The following CCSER1 variants were observed in gnomAD, a reference collection of about 807,000 sequenced individuals.
CCSER1 encodes the protein serine-rich coiled-coil domain-containing protein 1.
CCSER1 carries 41 observed loss-of-function variants against 82.0 expected under a neutral mutation model. The observed-to-expected ratio is 0.50, with a 90% CI of 0.39 to 0.65. The LOEUF (loss-of-function observed/expected upper bound fraction) is 0.65. Ranked by LOEUF, CCSER1 falls within the 30% of genes least tolerant of loss-of-function variation. The pLI, the probability that CCSER1 is intolerant of heterozygous loss-of-function variation, is 0.00. For missense variants in CCSER1, 1,119 were observed against 1,064.2 expected (o/e 1.05, Z -0.72); for synonymous variants, 414 against 383.9 (o/e 1.08, Z -0.92).
chr4:90,738,385 T>C (rs1381498804), intron 7 of CCSER1, among the ~76,000 whole-genome samples: 1 of 152,142 alleles, frequency 6.6e-6, no homozygotes. Flanking sequence ...GGTACTGCCT[T>C]GGTTCTTGGC....
chr4:90,539,575 G>C (rs754860629), intron 5 of CCSER1, among the ~76,000 whole-genome samples: 1 of 152,002 alleles, frequency 6.6e-6, no homozygotes, highest in Admixed American at 6.6e-5. Flanking sequence ...GACTCTAATT[G>C]GGTAGGGATC....
intron 10 of CCSER1, among the ~76,000 whole-genome samples, chr4:91,212,509 G>A (rs1736901812): frequency 6.6e-6 from 1 of 152,022 alleles, no homozygotes; most frequent in Non-Finnish European, 1.5e-5. Flanking sequence ...CAGCAGGAAT[G>A]CCACCTGTGT....
At chr4:90,141,088 A>G (rs1210613715) in intron 1 of CCSER1, among the ~76,000 whole-genome samples, 1 of 143,896 alleles carries the variant, frequency 6.9e-6, no homozygotes, top group East Asian at 2.1e-4. Context: ...TTGAAAGACT[A>G]ATTTTAAGTA....
intron 10 of CCSER1, among the ~76,000 whole-genome samples, chr4:91,204,434 T>A (rs938840358): frequency 6.6e-6 from 1 of 151,844 alleles, no homozygotes; most frequent in African/African-American, 2.4e-5. Context: ...GAGTTTCATT[T>A]TGATGTGCTA....
At chr4:90,482,424 T>A (rs1455448157) in intron 5 of CCSER1, among the ~76,000 whole-genome samples, 1 of 152,192 alleles carries the variant, frequency 6.6e-6, no homozygotes, top group Admixed American at 6.5e-5. Context: ...CTTTTGAATG[T>A]GTTTGCTCTT....
intron 10 of CCSER1, among the ~76,000 whole-genome samples, chr4:91,221,240 A>G (rs1012474031): frequency 1.3e-5 from 2 of 152,118 alleles, no homozygotes; most frequent in African/African-American, 4.8e-5. Context: ...TTCCTCTAAC[A>G]TCTCACTATC....
chr4:90,365,353 A>T (rs565226848), intron 3 of CCSER1, among the ~76,000 whole-genome samples: 1 of 151,982 alleles, frequency 6.6e-6, no homozygotes, highest in Admixed American at 6.5e-5. Flanking sequence ...TTACATATGT[A>T]TATAAATATA....
At chr4:91,097,353 AACTC>A (rs1311495223) in intron 10 of CCSER1, among the ~76,000 whole-genome samples, 1 of 152,200 alleles carries the variant, frequency 6.6e-6, no homozygotes, top group East Asian at 1.9e-4. Flanking sequence ...AAGTTACAGA[AACTC>A]AGGAACCATA....
At position 91,334,893 on chromosome 4, in the gene CCSER1, T is replaced by C. The variant is rs550531627; in HGVS notation, c.2217+248899T>C. Among the ~76,000 whole-genome samples, 10 of 151,860 alleles carry C rather than the reference T, an allele frequency of 6.6e-5. No homozygotes were observed. The South Asian group carries it at 2.1e-3, about 32-fold the overall frequency. On this transcript the variant is annotated intron_variant, in intron 10 of 10. Coordinates refer to ENST00000509176, the MANE Select transcript of CCSER1 (RefSeq NM_001145065.2). ...AGGAAGATACATTTATTCAGGTCAGTAAAAACTAACATGGGCTGGGATTTA... is the reference window on the plus strand; with the variant it reads ...AGGAAGATACATTTATTCAGGTCAGCAAAAACTAACATGGGCTGGGATTTA...
intron 10 of CCSER1, among the ~76,000 whole-genome samples, chr4:91,515,155 C>A (rs1760035659): frequency 6.6e-6 from 1 of 152,026 alleles, no homozygotes; most frequent in Non-Finnish European, 1.5e-5. Flanking sequence ...ATCTTTGAAT[C>A]TAAGGGGGAT....
intron 1 of CCSER1, among the ~76,000 whole-genome samples, chr4:90,249,726 T>G (rs1294715275): frequency 6.6e-6 from 1 of 152,190 alleles, no homozygotes; most frequent in Non-Finnish European, 1.5e-5. Context: ...CCACATGTAT[T>G]TTTTTATTGA....
At chr4:91,101,649 C>T (rs1462697741) in intron 10 of CCSER1, among the ~76,000 whole-genome samples, 1 of 148,762 alleles carries the variant, frequency 6.7e-6, no homozygotes, top group Non-Finnish European at 1.5e-5. Context: ...AAAAAAAGAC[C>T]AGGTTGGGGG....
At chr4:91,226,383 A>G (rs1249759067) in intron 10 of CCSER1, among the ~76,000 whole-genome samples, 1 of 151,936 alleles carries the variant, frequency 6.6e-6, no homozygotes, top group Non-Finnish European at 1.5e-5. Context: ...AAATCATTGG[A>G]ATTTGCAAGA....
chr4:91,194,973 G>A (rs1416241092), intron 10 of CCSER1, among the ~76,000 whole-genome samples: 1 of 152,132 alleles, frequency 6.6e-6, no homozygotes, highest in East Asian at 1.9e-4. Context: ...CAACACTTGA[G>A]TATCATTATA....
intron 10 of CCSER1, among the ~76,000 whole-genome samples, chr4:91,297,409 G>GTGTA (rs1553921610): frequency 1.3e-5 from 2 of 150,744 alleles, no homozygotes; most frequent in African/African-American, 4.9e-5. Flanking sequence ...GTGTGTGTGT[G>GTGTA]TGTGTGTGTG....
chr4:90,366,024 AC>A lies in CCSER1; in HGVS notation c.1510-34011del, dbSNP rs569304144. Among the ~76,000 whole-genome samples the A allele has an allele frequency of 1.2e-3, 186 of 151,990 alleles. 1 individual carries two copies. The highest frequency in any genetic ancestry group is 3.7e-3 in the African/African-American group (152 of 41,552). On this transcript the variant is annotated intron_variant, in intron 3 of 10. Coordinates refer to ENST00000509176, the MANE Select transcript of CCSER1 (RefSeq NM_001145065.2). ...AATATTACATTTCAATGCCAAAAAA[AC>A]ATGAAGCTCAATATTTCTATAACAG...
intron 1 of CCSER1, among the ~76,000 whole-genome samples, chr4:90,155,622 C>T (rs1211978444): frequency 1.3e-5 from 2 of 152,154 alleles, no homozygotes; most frequent in African/African-American, 2.4e-5. Flanking sequence ...GTGTATGTGT[C>T]AAGGAATTTA....
intron 10 of CCSER1, among the ~76,000 whole-genome samples, chr4:91,096,946 C>T (rs550771885): frequency 2.6e-5 from 4 of 152,184 alleles, no homozygotes; most frequent in South Asian, 4.1e-4. Context: ...ACAGAAGTGC[C>T]GACACAGGCA....
At chr4:90,562,958 T>C (rs1452140553) in intron 5 of CCSER1, among the ~76,000 whole-genome samples, 2 of 151,800 alleles carry the variant, frequency 1.3e-5, no homozygotes, top group Admixed American at 6.6e-5. Flanking sequence ...ATTTAAAGTA[T>C]ACTTGTATTT....
Sources: gnomAD v4.1 joint callset for allele counts (sites outside exome capture counted in the v4.1 genomes callset) on GRCh38, gnomAD v4.1.1 for gene constraint, MANE v1.5 for transcripts, NCBI Gene and HGNC (gene_info 2026-07-23, HGNC 2026-07-21) for gene names.